The following TBC1D10B variants were observed in gnomAD, a reference collection of about 807,000 sequenced individuals.
TBC1D10B encodes the protein TBC1 domain family member 10B.
TBC1D10B carries 25 observed loss-of-function variants against 78.4 expected under a neutral mutation model. That is an observed-to-expected ratio of 0.32 (90% confidence interval 0.23 to 0.45). The LOEUF (loss-of-function observed/expected upper bound fraction) is 0.45. TBC1D10B is among the 20% of genes least tolerant of loss of function. The probability of loss-of-function intolerance (pLI) is 1.00; values close to 1 mark genes in which losing one functional copy is unlikely to be tolerated. For synonymous variants in TBC1D10B, 517 were observed against 478.0 expected, an observed-to-expected ratio of 1.08 and a Z score of -1.06; for missense variants, 996 against 1,104.8, an observed-to-expected ratio of 0.90 and a Z score of 1.40.
rs367917919 is a variant in TBC1D10B, at chr16:30,365,186, G to T, written c.1083C>A (p.Ile361=). The change falls in exon 3 of 9, where the codon ATC becomes ATA. Residue 361 remains isoleucine (I), a synonymous_variant. Transcript: ENST00000409939. This position sits in a 1 kb window ranked among gnomAD's most constrained non-coding sequence, Gnocchi z 5.0. ...QKVKLRCRKG[I]PSSLRAKAWQ... is the part of the protein sequence containing the mutation. ...AGGCTTTGGCTCTGAGAGAGGAGGG[G>T]ATCCCCTTCCGGCAGCGCAGCTTCA... The T allele has an allele frequency of 3.0e-5, 49 of 1,613,834 alleles. No homozygotes were observed. Among genetic ancestry groups the T allele is most frequent in the Non-Finnish European group, 3.7e-5 (44 of 1,179,876 alleles).
In TBC1D10B at chr16:30,357,601, G is replaced by T; in HGVS notation, c.*343C>A. ...ACCTCATGGTAAGGGGAGCTATGGA[G>T]TGTAAGAATCTGAAACTGCTGACTC... On this transcript the variant is annotated 3_prime_UTR_variant, in exon 9 of 9. Transcript: ENST00000409939. 2.8e-6 allele frequency: 1 copy of T among 362,516 alleles called. No individual in the cohort carries two copies. 22.5% of individuals were successfully genotyped at this position (362,516 alleles called of 1,614,324 possible).
Position 30,358,424 on chromosome 16 carries a change from T to C in TBC1D10B, c.1947A>G (p.Gln649=), listed in dbSNP as rs945788104. ...SRAIHEERRR[Q]QPPLGPSSSL... Reference sequence around the variant, plus strand: ...TGGAGGAGGGGCCCAGGGGTGGCTGTTGCCGCCGGCGCTCCTCGTGGATGG... The same window carrying C: ...TGGAGGAGGGGCCCAGGGGTGGCTGCTGCCGCCGGCGCTCCTCGTGGATGG... The change falls in exon 9 of 9, where the codon CAA becomes CAG. Residue 649 remains glutamine, a synonymous_variant. Transcript: ENST00000409939. 3 of 1,581,138 alleles carry C rather than the reference T, an allele frequency of 1.9e-6. No homozygotes were observed. Among genetic ancestry groups the C allele is most frequent in the Non-Finnish European group, 2.6e-6 (3 of 1,164,306 alleles).
At chr16:30,363,914 G>C (rs545946664) in intron 4 of TBC1D10B, among the ~76,000 whole-genome samples, 1 of 152,066 alleles carries the variant, frequency 6.6e-6, no homozygotes, top group African/African-American at 2.4e-5. Flanking sequence ...TCAGGAGTTC[G>C]AGACCAGCCT....
intron 7 of TBC1D10B, 58 bp from the exon 8 acceptor site, chr16:30,358,875 C>T (rs760329898): frequency 1.9e-5 from 30 of 1,539,272 alleles, no homozygotes; most frequent in Non-Finnish European, 2.5e-5. Flanking sequence ...TCAGCCTGTC[C>T]TGATCAGGAT....
chr16:30,359,766 G>T lies in TBC1D10B; in HGVS notation c.1347C>A (p.Ala449=). The change falls in exon 5 of 9, where the codon GCC becomes GCA. Residue 449 remains alanine (A), a synonymous_variant. Coordinates refer to ENST00000409939, the MANE Select transcript of TBC1D10B (RefSeq NM_015527.4). ...GCATGAGCAGGACCGCAGCCACGGG[G>T]GCCTGGGCCTGGCAGTAACCCTCGT... ...RPDEGYCQAQ[A]PVAAVLLMHM... 1 of 1,591,018 alleles carries T rather than the reference G, an allele frequency of 6.3e-7. No homozygotes were observed.
At chr16:30,359,632 G>A in intron 5 of TBC1D10B, 29 bp from the exon 6 acceptor site, 2 of 1,556,982 alleles carry the variant, frequency 1.3e-6, no homozygotes, top group South Asian at 2.4e-5. Context: ...AGGAGGAGGG[G>A]TGGGGCCTGA....
Position 30,359,165 on chromosome 16 carries a change from G to A in TBC1D10B, c.1642+7C>T, listed in dbSNP as rs765133768. ...GCCCCTCATGGCCTGGAGGGCCACA[G>A]AAGTACCTTCACAGAAAAACATGTC... On this transcript the variant is annotated splice_region_variant and intron_variant, in intron 7 of 8. Coordinates refer to ENST00000409939, the MANE Select transcript of TBC1D10B (RefSeq NM_015527.4). 6.2e-7 allele frequency: 1 copy of A among 1,606,808 alleles called. No homozygotes were observed. The highest frequency in any genetic ancestry group is 1.1e-5 in the South Asian group (1 of 89,716).
intron 4 of TBC1D10B, among the ~76,000 whole-genome samples, chr16:30,362,826 C>G (rs2049607819): frequency 6.6e-6 from 1 of 152,174 alleles, no homozygotes; most frequent in Non-Finnish European, 1.5e-5. Flanking sequence ...CACTTGAGGT[C>G]AGGAGTTCGA....
At position 30,370,065 on chromosome 16, in the gene TBC1D10B, G is replaced by A. The variant is rs903407697; in HGVS notation, c.119C>T (p.Pro40Leu). The A allele has an allele frequency of 7.9e-5, 97 of 1,227,622 alleles. No homozygotes were observed. Among genetic ancestry groups the A allele is most frequent in the Non-Finnish European group, 9.7e-5 (96 of 985,384 alleles). The allele number at this position is 1,227,622 out of a possible 1,614,324, so 76.0% of individuals were successfully genotyped here. A position where few individuals can be genotyped will look rare whatever the true frequency, so the allele number is the denominator to read the frequency against. ...GGCCGAAGTGGCCGTAGTCACTGGA[G>A]GTCCCGGAGCCACCACCACGACGGG... ...AGPVVVVAPG[P>L]PVTTATSAPV... Residue 40 changes from proline to leucine, a missense_variant, in exon 1 of 9, where the codon CCT (proline) becomes CTT (leucine). Coordinates refer to ENST00000409939, the MANE Select transcript of TBC1D10B (RefSeq NM_015527.4).
Position 30,365,692 on chromosome 16 carries a change from A to C in TBC1D10B, c.957-98T>G. ...CAAGCCACCTCCCCAAGCTCAAACG[A>C]GAAACTGGATAGTCTGTGAGCTGCC... is the stretch of plus-strand genomic sequence containing the variant. On this transcript the variant is annotated intron_variant, in intron 1 of 8. Transcript: ENST00000409939. This position sits in a 1 kb window ranked among gnomAD's most constrained non-coding sequence, Gnocchi z 5.0. The C allele has an allele frequency of 8.8e-7, 1 of 1,140,222 alleles. No individual in the cohort carries two copies. Among genetic ancestry groups the C allele is most frequent in the Non-Finnish European group, 1.3e-6 (1 of 766,982 alleles). 70.6% of individuals were successfully genotyped at this position (1,140,222 alleles called of 1,614,324 possible).
chr16:30,365,404 G>T lies in TBC1D10B; in HGVS notation c.1056+91C>A. On this transcript the variant is annotated intron_variant, in intron 2 of 8. Transcript: ENST00000409939. This position sits in a 1 kb window ranked among gnomAD's most constrained non-coding sequence, Gnocchi z 5.0. ...CATCTATCCCCAGTGTGGTCCAGAG[G>T]GCAGATATTATCGGCTTCCTGGGCT... 1 of 1,475,256 alleles carries T rather than the reference G, an allele frequency of 6.8e-7. No individual in the cohort carries two copies. The highest frequency in any genetic ancestry group is 9.5e-7 in the Non-Finnish European group (1 of 1,054,484). 91.4% of individuals were successfully genotyped at this position (1,475,256 alleles called of 1,614,324 possible).
intron 1 of TBC1D10B, among the ~76,000 whole-genome samples, chr16:30,368,377 C>A (rs1305864078): frequency 6.6e-6 from 1 of 152,180 alleles, no homozygotes; most frequent in East Asian, 1.9e-4. Flanking sequence ...AAGTACTTTT[C>A]TTTCTCTCCA....
At chr16:30,358,617 G>C in intron 8 of TBC1D10B, 44 bp from the exon 9 acceptor site, 2 of 1,588,648 alleles carry the variant, frequency 1.3e-6, no homozygotes, top group East Asian at 4.5e-5. Context: ...CTGAGGGTGG[G>C]AGCGGGCTGA....
chr16:30,362,740 T>C (rs2049607341), intron 4 of TBC1D10B, among the ~76,000 whole-genome samples: 1 of 152,220 alleles, frequency 6.6e-6, no homozygotes, highest in South Asian at 2.1e-4. Context: ...ATAAGCATTT[T>C]AAACTTAATG....
At chr16:30,359,869 G>A (rs1473415753) in intron 4 of TBC1D10B, 28 bp from the exon 5 acceptor site, 1 of 1,531,096 alleles carries the variant, frequency 6.5e-7, no homozygotes, top group East Asian at 2.4e-5. Flanking sequence ...GACTGTGAGG[G>A]CAGTCACGGG....
In TBC1D10B at chr16:30,370,295, C is replaced by G; in HGVS notation, c.-112G>C. 2.1e-6 allele frequency: 1 copy of G among 473,526 alleles called. No homozygotes were observed. Among genetic ancestry groups the G allele is most frequent in the Non-Finnish European group, 2.9e-6 (1 of 343,642 alleles). 29.3% of individuals were successfully genotyped at this position (473,526 alleles called of 1,614,324 possible). ...AGGGGAGAGGGCGAAGGGCGCGGCT[C>G]GGCGCGCGCCGGGGGCGGAGCGGCC... On this transcript the variant is annotated 5_prime_UTR_variant, in exon 1 of 9. Coordinates refer to ENST00000409939, the MANE Select transcript of TBC1D10B (RefSeq NM_015527.4).
chr16:30,358,752 G>C lies in TBC1D10B; in HGVS notation c.1708C>G (p.Leu570Val). The change falls in exon 8 of 9, where the codon CTG (leucine) becomes GTG (valine). Residue 570 changes from leucine (L) to valine (V), a missense_variant. Physicochemically the swap from Leu to Val is conservative, Grantham distance 32. Coordinates refer to ENST00000409939, the MANE Select transcript of TBC1D10B (RefSeq NM_015527.4). ...LRHTLGSVEK[L>V]RSCQGMYETM... The stretch of plus-strand genomic sequence containing the variant: ...TCATACATGCCTTGGCAGGAGCGCA[G>C]CTTCTCCACTGAGCCCAGCGTGTGG... 1 of 1,609,620 alleles carries C rather than the reference G, an allele frequency of 6.2e-7. No individual in the cohort carries two copies. Among genetic ancestry groups the C allele is most frequent in the Non-Finnish European group, 8.5e-7 (1 of 1,178,046 alleles).
intron 4 of TBC1D10B, 85 bp downstream of exon 4, chr16:30,364,815 C>T (rs535418675): frequency 7.4e-5 from 97 of 1,305,050 alleles, no homozygotes; most frequent in Non-Finnish European, 9.6e-5. Context: ...AAACCACTTT[C>T]GACTCAGTCT....
rs1446031284 is a variant in TBC1D10B at position 30,357,463 on chromosome 16, C to G, written c.*481G>C. ...GAAGACAAAGCGAGCACCCCCACCC[C>G]AGGCCAACGCCATCCTCTGTACACA... On this transcript the variant is annotated 3_prime_UTR_variant, in exon 9 of 9. Transcript: ENST00000409939. The G allele has an allele frequency of 5.6e-6, 1 of 177,894 alleles. No homozygotes were observed. The highest frequency in any genetic ancestry group is 1.2e-5 in the Non-Finnish European group (1 of 81,796). 11.0% of individuals were successfully genotyped at this position (177,894 alleles called of 1,614,324 possible).
Sources: allele counts gnomAD v4.1 joint callset (sites outside exome capture counted in the v4.1 genomes callset), GRCh38; gene constraint gnomAD v4.1.1; non-coding constraint Gnocchi (gnomAD v3.1); transcripts MANE v1.5; gene names NCBI Gene and HGNC (gene_info 2026-07-23, HGNC 2026-07-21).